The following SRCAP variants were observed in gnomAD, a reference collection of about 807,000 sequenced individuals.
The protein encoded by SRCAP is chromatin remodeling protein SRCAP.
In SRCAP, 46 loss-of-function variants were observed where a neutral mutation model predicts 263.1. That is an observed-to-expected ratio of 0.17 (90% CI 0.14 to 0.22). The LOEUF (loss-of-function observed/expected upper bound fraction) is 0.22. Among genes scored for constraint, SRCAP ranks in the 10% least tolerant of loss-of-function variants. The pLI, the probability that SRCAP is intolerant of heterozygous loss-of-function variation, is 1.00. For missense variants in SRCAP, 3,695 were observed against 4,181.9 expected (o/e 0.88, Z 3.21); for synonymous variants, 1,813 against 1,662.1 (o/e 1.09, Z -2.21).
At chr16:30,715,831 G>A (rs1450891833) in intron 16 of SRCAP, among the ~76,000 whole-genome samples, 2 of 152,032 alleles carry the variant, frequency 1.3e-5, no homozygotes, top group African/African-American at 4.8e-5. Flanking sequence ...TCTATTCTGC[G>A]TAGTTGGTCT....
At chr16:30,705,707 G>GT (rs541588292) in intron 4 of SRCAP, among the ~76,000 whole-genome samples, 4,210 of 130,686 alleles carry the variant, frequency 0.032, 167 homozygotes, top group African/African-American at 0.11. Context: ...CCACAATTGG[G>GT]TTTTTTTTTT....
In SRCAP at chr16:30,731,219, G is replaced by C. The variant is rs973325052; in HGVS notation, c.6127+1647G>C. ...AAACTGAGCTATATGCCCATACTTA[G>C]AGCAATCACTGACAAAGGGGAATAG... On this transcript the variant is annotated intron_variant, in intron 27 of 33. Transcript: ENST00000262518. 2.6e-5 allele frequency among the ~76,000 whole-genome samples: 4 copies of C among 152,112 alleles called. No individual in the cohort carries two copies. The East Asian group carries it at 7.7e-4, about 29-fold the overall frequency.
intron 8 of SRCAP, 143 bp from the exon 9 acceptor site, chr16:30,710,611 T>G: frequency 1.1e-6 from 1 of 898,224 alleles, no homozygotes. Flanking sequence ...AAACCCTTGA[T>G]TGTATTCTTG....
At chr16:30,706,045 G>T (rs1305116381) in intron 4 of SRCAP, among the ~76,000 whole-genome samples, 1 of 152,192 alleles carries the variant, frequency 6.6e-6, no homozygotes, top group Non-Finnish European at 1.5e-5. Context: ...AAGTTTGAGA[G>T]CAGCTGGTCT....
intron 25 of SRCAP, chr16:30,725,578 C>G (rs1286753241): frequency 6.5e-6 from 1 of 154,420 alleles, no homozygotes; most frequent in Non-Finnish European, 1.4e-5. Flanking sequence ...TGCTTCATGC[C>G]TACTCCCCCA....
rs2053049281 is a variant in SRCAP, at chr16:30,724,944, G to T, written c.5520G>T (p.Arg1840=). ...AAPLPVTMVS[R]LPVSKDEPDT... ...CCTTGCCTGTCACCATGGTATCCCG[G>T]CTGCCTGTTTCCAAGGATGAGCCTG... is the stretch of plus-strand genomic sequence containing the variant. Residue 1840 remains arginine (R), a synonymous_variant, in exon 25 of 34, where the codon CGG becomes CGT. Coordinates refer to ENST00000262518, the MANE Select transcript of SRCAP (RefSeq NM_006662.3). 1.9e-6 allele frequency: 3 copies of T among 1,614,170 alleles called. No individual in the cohort carries two copies. The highest frequency in any genetic ancestry group is 2.5e-6 in the Non-Finnish European group (3 of 1,180,044).
chr16:30,724,931 C>A lies in SRCAP; in HGVS notation c.5507C>A (p.Thr1836Asn). The change falls in exon 25 of 34, where the codon ACC becomes AAC. Residue 1836 changes from threonine (T) to asparagine (N), a missense_variant. Coordinates refer to ENST00000262518, the MANE Select transcript of SRCAP (RefSeq NM_006662.3). ...TCTGGTGCCGCTCCCTTGCCTGTCACCATGGTATCCCGGCTGCCTGTTTCC... is the reference window on the plus strand; with the variant it reads ...TCTGGTGCCGCTCCCTTGCCTGTCAACATGGTATCCCGGCTGCCTGTTTCC... ...SASGAAPLPV[T>N]MVSRLPVSKD... The A allele has an allele frequency of 6.2e-7, 1 of 1,614,242 alleles. No homozygotes were observed. Among genetic ancestry groups the A allele is most frequent in the Non-Finnish European group, 8.5e-7 (1 of 1,180,052 alleles).
chr16:30,710,962 TCTATCC>T, intron 9 of SRCAP, 31 bp from the exon 10 acceptor site: 13 of 1,602,534 alleles, frequency 8.1e-6, no homozygotes, highest in Non-Finnish European at 1.1e-5. Flanking sequence ...GCCTCTAGCC[TCTATCC>T]CTATTAATCT....
At chr16:30,715,937 G>C in intron 16 of SRCAP, 129 bp from the exon 17 acceptor site, 1 of 1,201,064 alleles carries the variant, frequency 8.3e-7, no homozygotes, top group East Asian at 2.4e-5. Flanking sequence ...GCTTGCAGTT[G>C]ACTCATCTTT....
At chr16:30,706,649 AAGT>A (rs1356458770) in intron 4 of SRCAP, among the ~76,000 whole-genome samples, 7 of 152,232 alleles carry the variant, frequency 4.6e-5, no homozygotes, top group African/African-American at 1.4e-4. Context: ...ATTTTTACAA[AAGT>A]AGTATTTTTA....
chr16:30,718,896 A>G (rs1301696612), intron 18 of SRCAP, among the ~76,000 whole-genome samples: 1 of 147,366 alleles, frequency 6.8e-6, no homozygotes, highest in African/African-American at 2.5e-5. Flanking sequence ...TGTTGTTATT[A>G]CTACTTTTTT....
intron 31 of SRCAP, among the ~76,000 whole-genome samples, chr16:30,735,480 T>C (rs112918207): frequency 4.9e-4 from 74 of 151,284 alleles, no homozygotes; most frequent in African/African-American, 1.7e-3. Context: ...CACCATCTAA[T>C]CCTCAAAATT....
In SRCAP at chr16:30,736,360, G is replaced by C; in HGVS notation, c.6890G>C (p.Arg2297Pro). 6.2e-7 allele frequency: 1 copy of C among 1,613,602 alleles called. No individual in the cohort carries two copies. Among genetic ancestry groups the C allele is most frequent in the Non-Finnish European group, 8.5e-7 (1 of 1,179,744 alleles). The change falls in exon 32 of 34, where the codon CGG becomes CCG. Residue 2297 changes from arginine (R) to proline (P), a missense_variant. Physicochemically the swap from Arg to Pro is moderately radical, Grantham distance 103 (BLOSUM62 -2). This residue lies in a region of SRCAP where 91 missense variants were observed against 150.6 expected (regional missense o/e 0.60). Transcript: ENST00000262518. ...RPGAEDEEMS[R>P]AEQEIAALVE... is the part of the protein sequence containing the mutation. ...GGGGCTGAGGATGAGGAGATGTCCC[G>C]GGCTGAGCAGGAAATTGCTGCCCTC...
chr16:30,738,967 C>G lies in SRCAP; in HGVS notation c.8927C>G (p.Thr2976Ser), dbSNP rs567425236. 1.2e-6 allele frequency: 2 copies of G among 1,613,632 alleles called. No homozygotes were observed. The highest frequency in any genetic ancestry group is 1.7e-5 in the Admixed American group (1 of 59,956). The change falls in exon 34 of 34, where the codon ACC (threonine) becomes AGC (serine). Residue 2976 changes from threonine (T) to serine (S), a missense_variant. Coordinates refer to ENST00000262518, the MANE Select transcript of SRCAP (RefSeq NM_006662.3). ...TQPPPHPSPL[T>S]PLPPLLVCPT... ...CCACCCCCACACCCATCACCCCTAA[C>G]CCCACTCCCACCACTGCTAGTTTGT... is the stretch of plus-strand genomic sequence containing the variant.
intron 27 of SRCAP, among the ~76,000 whole-genome samples, chr16:30,731,129 C>T (rs1264475005): frequency 6.6e-6 from 1 of 152,214 alleles, no homozygotes; most frequent in Non-Finnish European, 1.5e-5. Context: ...AGACAAAACA[C>T]TCTGAGAAGG....
chr16:30,709,659 A>AGGCTCTTCCCCTTGCCTC lies in SRCAP; in HGVS notation c.790_807dup (p.Pro264_Ser269dup). On this transcript the variant is annotated inframe_insertion, in exon 7 of 34. Transcript: ENST00000262518. Reference sequence around the variant, plus strand: ...ACCAGCCATTAACCTCCAGCAAAGCAGGCTCTTCCCCTTGCCTCGGCTCTT... The same window carrying AGGCTCTTCCCCTTGCCTC: ...ACCAGCCATTAACCTCCAGCAAAGCAGGCTCTTCCCCTTGCCTCGGCTCTTCCCCTTGCCTCGGCTCTT... 6.2e-7 allele frequency: 1 copy of AGGCTCTTCCCCTTGCCTC among 1,614,198 alleles called. No homozygotes were observed. Among genetic ancestry groups the AGGCTCTTCCCCTTGCCTC allele is most frequent in the Non-Finnish European group, 8.5e-7 (1 of 1,180,042 alleles).
At chr16:30,727,812 A>C (rs927259454) in intron 25 of SRCAP, among the ~76,000 whole-genome samples, 2 of 152,108 alleles carry the variant, frequency 1.3e-5, no homozygotes, top group African/African-American at 2.4e-5. Context: ...TCGGCCTCCC[A>C]AAGTGCTGGG....
chr16:30,728,625 A>T lies in SRCAP; in HGVS notation c.5659-341A>T, dbSNP rs189469429. Among the ~76,000 whole-genome samples the T allele has an allele frequency of 8.5e-4, 130 of 152,296 alleles. 1 individual carries two copies. Among genetic ancestry groups the T allele is most frequent in the Admixed American group, 1.5e-3 (23 of 15,296 alleles). ...AGTGTTACGTAGGAAAATACCCACA[A>T]ATCGTCCATTCTATAAACTTGTTGG... On this transcript the variant is annotated intron_variant, in intron 25 of 33. Coordinates refer to ENST00000262518, the MANE Select transcript of SRCAP (RefSeq NM_006662.3).
rs545982078 is a variant in SRCAP, at chr16:30,704,303, A to G, written c.294A>G (p.Glu98=). Residue 98 remains glutamate (E), a synonymous_variant, in exon 4 of 34, where the codon GAA becomes GAG. Coordinates refer to ENST00000262518, the MANE Select transcript of SRCAP (RefSeq NM_006662.3). ...KWEKSHAEIA[E]QAKHEAEIET... ...AGAAGAGCCATGCCGAAATTGCAGA[A>G]CAGGCCAAGCATGTACGTATTAGAA... 45 of 1,611,328 alleles carry G rather than the reference A, an allele frequency of 2.8e-5. No individual in the cohort carries two copies. The Middle Eastern group carries it at 2.0e-3, about 71-fold the overall frequency.
Sources: allele counts gnomAD v4.1 joint callset (sites outside exome capture counted in the v4.1 genomes callset), GRCh38; gene constraint gnomAD v4.1.1; regional missense constraint gnomAD v4.1.1; transcripts MANE v1.5; gene names NCBI Gene and HGNC (gene_info 2026-07-23, HGNC 2026-07-21).